CHD2: variants seen among roughly 807,000 people sequenced by gnomAD.
CHD2 encodes the protein chromodomain helicase DNA binding protein 2.
In CHD2, 28 loss-of-function variants were observed where a neutral mutation model predicts 243.9. The observed-to-expected ratio is 0.11, with a 90% CI of 0.09 to 0.16. The LOEUF is 0.16. CHD2 is among the 10% of genes least tolerant of loss of function. The pLI, the probability that CHD2 is intolerant of heterozygous loss-of-function variation, is 1.00. For missense variants in CHD2, 1,386 were observed against 2,209.8 expected, an observed-to-expected ratio of 0.63 and a Z score of 7.47; for synonymous variants, 775 against 779.0, an observed-to-expected ratio of 0.99 and a Z score of 0.09.
chr15:92,963,878 G>A (rs2141825878), intron 16 of CHD2, among the ~76,000 whole-genome samples: 1 of 152,300 alleles, frequency 6.6e-6, no homozygotes, highest in East Asian at 1.9e-4. Flanking sequence ...AGACACAGTG[G>A]GAACATCTGT....
chr15:92,962,489 G>A (rs2053703632), intron 16 of CHD2, among the ~76,000 whole-genome samples: 1 of 151,982 alleles, frequency 6.6e-6, no homozygotes, highest in Non-Finnish European at 1.5e-5. Context: ...TTTTCCAAAT[G>A]TCTTATAATT....
At position 92,998,629 on chromosome 15, in the gene CHD2, C is replaced by T. The variant is rs764966782; in HGVS notation, c.4008+8C>T. 16 of 1,610,430 alleles carry T rather than the reference C, an allele frequency of 9.9e-6. No individual in the cohort carries two copies. Among genetic ancestry groups the T allele is most frequent in the Admixed American group, 5.0e-5 (3 of 59,926 alleles). ...GTGACAGGTGGGGAAGAGGTGAGTA[C>T]GCTGCCAGCTGGTTGTTTTTCAGGG... On this transcript the variant is annotated splice_region_variant and intron_variant, in intron 31 of 38. Transcript: ENST00000394196. The surrounding 1 kb of genome is among the most constrained non-coding windows in gnomAD (Gnocchi z 5.1).
intron 12 of CHD2, 46 bp from the exon 13 acceptor site, chr15:92,948,906 A>G: frequency 6.3e-7 from 1 of 1,583,034 alleles, no homozygotes; most frequent in African/African-American, 1.4e-5. Context: ...GTTTTAACAT[A>G]GTAGCAGTAA....
intron 37 of CHD2, 129 bp from the exon 38 acceptor site, chr15:93,019,883 A>T: frequency 8.1e-6 from 9 of 1,111,488 alleles, no homozygotes; most frequent in Non-Finnish European, 1.1e-5. Context: ...CAGTGATCTA[A>T]GATCGTGCCA....
chr15:92,967,338 G>C lies in CHD2; in HGVS notation c.2014G>C (p.Glu672Gln). ...TTTCTTCCCTAGGTTTGAATTTTGG[G>C]AAGATTTTGAAGAAGACCATGGGAA... ...FIMPEKFEFW[E>Q]DFEEDHGKGR... Residue 672 changes from glutamate (E) to glutamine (Q), a missense_variant, in exon 17 of 39, where the codon GAA becomes CAA. Physicochemically the swap from Glu to Gln is conservative, Grantham distance 29 (BLOSUM62 2). Coordinates refer to ENST00000394196, the MANE Select transcript of CHD2 (RefSeq NM_001271.4). 6.2e-7 allele frequency: 1 copy of C among 1,607,748 alleles called. No individual in the cohort carries two copies. Among genetic ancestry groups the C allele is most frequent in the Non-Finnish European group, 8.5e-7 (1 of 1,176,554 alleles).
intron 24 of CHD2, among the ~76,000 whole-genome samples, chr15:92,984,129 T>C (rs936683770): frequency 1.3e-5 from 2 of 152,246 alleles, no homozygotes; most frequent in East Asian, 3.8e-4. Flanking sequence ...AAATTTATGA[T>C]GTGATGAACT....
chr15:92,967,526 T>G lies in CHD2; in HGVS notation c.2189+13T>G. The G allele has an allele frequency of 6.2e-7, 1 of 1,612,000 alleles. No individual in the cohort carries two copies. The highest frequency in any genetic ancestry group is 8.5e-7 in the Non-Finnish European group (1 of 1,178,468). Reference sequence around the variant, plus strand: ...AACAGTATTACAAGTAAGTTCTTGTTTGGGTTAGGCCTGAAGGGGTTGAGA... The same window carrying G: ...AACAGTATTACAAGTAAGTTCTTGTGTGGGTTAGGCCTGAAGGGGTTGAGA... On this transcript the variant is annotated intron_variant, in intron 17 of 38. Transcript: ENST00000394196.
At chr15:92,928,235 TTTGC>T (rs2053099289) in intron 4 of CHD2, among the ~76,000 whole-genome samples, 1 of 152,242 alleles carries the variant, frequency 6.6e-6, no homozygotes, top group Non-Finnish European at 1.5e-5. Flanking sequence ...CTGTTTTGCC[TTTGC>T]TTTTGTTTTC....
chr15:93,023,669 TTTTTTTTTTGTG>T (rs2054559435), intron 38 of CHD2, among the ~76,000 whole-genome samples: 1 of 122,368 alleles, frequency 8.2e-6, no homozygotes, highest in Non-Finnish European at 1.8e-5. Flanking sequence ...ATTTCCTGGG[TTTTTTTTTTGTG>T]TTTTTTTTTA....
chr15:92,930,596 G>A (rs1006960176), intron 5 of CHD2, among the ~76,000 whole-genome samples: 1 of 151,968 alleles, frequency 6.6e-6, no homozygotes, highest in Non-Finnish European at 1.5e-5. Context: ...GCCCAGCTAA[G>A]TTTTTAAAAA....
intron 37 of CHD2, among the ~76,000 whole-genome samples, chr15:93,018,977 TG>T (rs2141893564): frequency 6.6e-6 from 1 of 152,360 alleles, no homozygotes; most frequent in African/African-American, 2.4e-5. Flanking sequence ...TCTCCATCCC[TG>T]GACTTCTGTG....
At chr15:92,919,072 TCTTGA>T (rs2052901947) in intron 2 of CHD2, among the ~76,000 whole-genome samples, 1 of 152,148 alleles carries the variant, frequency 6.6e-6, no homozygotes, top group Non-Finnish European at 1.5e-5. Context: ...GCCAGGCTGG[TCTTGA>T]ACTCCTGACC....
chr15:92,904,401 T>G (rs1439619), intron 2 of CHD2: 441,735 of 968,386 alleles, frequency 0.46, 101,165 homozygotes, highest in Admixed American at 0.5. Context: ...ACGGCTCCCC[T>G]GGGGGGCGGG....
intron 5 of CHD2, among the ~76,000 whole-genome samples, chr15:92,930,907 C>T (rs1035304797): frequency 6.6e-6 from 1 of 152,124 alleles, no homozygotes; most frequent in Non-Finnish European, 1.5e-5. Context: ...CCCTCATGTT[C>T]CTGTGTTTGG....
At chr15:93,016,830 T>C (rs1053770342) in intron 37 of CHD2, among the ~76,000 whole-genome samples, 2 of 145,396 alleles carry the variant, frequency 1.4e-5, no homozygotes, top group Non-Finnish European at 3.0e-5. Flanking sequence ...GGAATCCAGA[T>C]TGAATTAAAA....
intron 17 of CHD2, among the ~76,000 whole-genome samples, chr15:92,969,345 C>T (rs955617975): frequency 5.3e-5 from 8 of 152,232 alleles, no homozygotes; most frequent in African/African-American, 7.2e-5. Context: ...GGGCCACCAG[C>T]GTTCCCCGCA....
chr15:92,942,221 C>T (rs894763008), intron 8 of CHD2, among the ~76,000 whole-genome samples: 1 of 152,138 alleles, frequency 6.6e-6, no homozygotes, highest in Non-Finnish European at 1.5e-5. Flanking sequence ...TAACATTAAG[C>T]AAATCCACCT....
intron 2 of CHD2, among the ~76,000 whole-genome samples, chr15:92,917,046 T>C (rs1180608666): frequency 6.6e-6 from 1 of 152,236 alleles, no homozygotes; most frequent in African/African-American, 2.4e-5. Flanking sequence ...TCCATTTTCT[T>C]TGTGCAGTTT....
Position 92,992,963 on chromosome 15 carries a change from A to G in CHD2, c.3560A>G (p.Glu1187Gly). Reference sequence around the variant, plus strand: ...AACAGCTGTGTGTCAGCAATGCAGGAATACGAAGAGCAGCTGAAAGAAAAT... The same window carrying G: ...AACAGCTGTGTGTCAGCAATGCAGGGATACGAAGAGCAGCTGAAAGAAAAT... ...IHNSCVSAMQEYEEQLKENAS... is the reference protein window; with the variant it reads ...IHNSCVSAMQGYEEQLKENAS... The change falls in exon 28 of 39, where the codon GAA becomes GGA. Residue 1187 changes from glutamate (E) to glycine (G), a missense_variant. Transcript: ENST00000394196. 1 of 1,614,082 alleles carries G rather than the reference A, an allele frequency of 6.2e-7. No homozygotes were observed. The highest frequency in any genetic ancestry group is 1.1e-5 in the South Asian group (1 of 91,076).
Sources: allele counts gnomAD v4.1 joint callset (sites outside exome capture counted in the v4.1 genomes callset), GRCh38; gene constraint gnomAD v4.1.1; non-coding constraint Gnocchi (gnomAD v3.1); transcripts MANE v1.5; gene names NCBI Gene and HGNC (gene_info 2026-07-23, HGNC 2026-07-21).